Variants in RAB11FIP4 observed in about 807,000 individuals in gnomAD.
RAB11FIP4 encodes the protein rab11 family-interacting protein 4.
A neutral mutation model predicts 74.3 loss-of-function variants in RAB11FIP4; 23 were observed. The ratio of observed to expected loss-of-function variants is 0.31; its 90% CI spans 0.22 to 0.44. The LOEUF is 0.44. Ranked by LOEUF, RAB11FIP4 falls within the 20% of genes least tolerant of loss-of-function variation. The pLI is 1.00. For synonymous variants in RAB11FIP4, 360 were observed against 359.9 expected (o/e 1.00, Z 0.00); for missense variants, 630 against 863.9 (o/e 0.73, Z 3.39).
intron 4 of RAB11FIP4, chr17:31,518,397 C>CCATGAGAT: frequency 6.7e-6 from 1 of 149,514 alleles, no homozygotes; most frequent in Non-Finnish European, 1.5e-5. Context: ...ACAAAGATGT[C>CCATGAGAT]CATGAGATCA....
At chr17:31,530,507 G>A (rs200946414) in intron 14 of RAB11FIP4, 38 bp downstream of exon 14, 32 of 1,597,982 alleles carry the variant, frequency 2.0e-5, no homozygotes, top group African/African-American at 1.3e-4. Context: ...GGGCCTGGCC[G>A]CCCTCTGTGA....
In RAB11FIP4 at chr17:31,531,893, C is replaced by G; in HGVS notation, c.*161C>G. 1 of 623,216 alleles carries G rather than the reference C, an allele frequency of 1.6e-6. No individual in the cohort carries two copies. The highest frequency in any genetic ancestry group is 1.9e-5 in the South Asian group (1 of 53,278). 38.6% of individuals were successfully genotyped at this position (623,216 alleles called of 1,614,324 possible). A position where few individuals can be genotyped will look rare whatever the true frequency, so the allele number is the denominator to read the frequency against. The stretch of plus-strand genomic sequence containing the variant: ...TGTATATGTGGGGAGGCTGTGCACA[C>G]GAGCGAGGGGTGAGTGGCCGTGGCT... On this transcript the variant is annotated 3_prime_UTR_variant, in exon 15 of 15. Transcript: ENST00000621161.
intron 3 of RAB11FIP4, among the ~76,000 whole-genome samples, chr17:31,501,560 G>C (rs1034921318): frequency 1.3e-5 from 2 of 152,056 alleles, no homozygotes; most frequent in East Asian, 1.9e-4. Flanking sequence ...ATGGAGTCTG[G>C]CTCTGTTGCC....
rs1044607026 is a variant in RAB11FIP4 at position 31,524,232 on chromosome 17, C to G, written c.1133+236C>G. 1.0e-5 allele frequency: 5 copies of G among 500,848 alleles called. No homozygotes were observed. In the East Asian group the frequency reaches 1.4e-4, roughly 14 times the overall value. 31.0% of individuals were successfully genotyped at this position (500,848 alleles called of 1,614,324 possible). On this transcript the variant is annotated intron_variant, in intron 9 of 14. Coordinates refer to ENST00000621161, the MANE Select transcript of RAB11FIP4 (RefSeq NM_032932.6). ...GCTCTAGGCCCAATGGATTCTACCC[C>G]CTGAGGTCTGAAGCCACAGGGCTGG...
intron 1 of RAB11FIP4, among the ~76,000 whole-genome samples, chr17:31,394,269 C>T (rs1460983980): frequency 6.6e-6 from 1 of 152,154 alleles, no homozygotes; most frequent in Non-Finnish European, 1.5e-5. Context: ...CAATTTTCTC[C>T]AGAAAATGAG....
chr17:31,484,333 A>C (rs1404411973), intron 3 of RAB11FIP4, among the ~76,000 whole-genome samples: 1 of 151,600 alleles, frequency 6.6e-6, no homozygotes, highest in Non-Finnish European at 1.5e-5. Context: ...GGCCTCCCAA[A>C]GTGCTGGGAT....
intron 3 of RAB11FIP4, among the ~76,000 whole-genome samples, chr17:31,509,705 C>A (rs2072417406): frequency 6.6e-6 from 1 of 152,196 alleles, no homozygotes; most frequent in Non-Finnish European, 1.5e-5. Context: ...GAGCTTTGAT[C>A]TCACAGTATG....
At chr17:31,495,116 G>A (rs1444686733) in intron 3 of RAB11FIP4, among the ~76,000 whole-genome samples, 1 of 152,220 alleles carries the variant, frequency 6.6e-6, no homozygotes, top group Admixed American at 6.5e-5. Flanking sequence ...GCCACTGCCA[G>A]CCCCCAGCAT....
intron 1 of RAB11FIP4, among the ~76,000 whole-genome samples, chr17:31,406,271 C>A (rs537968103): frequency 6.6e-5 from 10 of 152,366 alleles, no homozygotes; most frequent in African/African-American, 2.2e-4. Context: ...GGGCTCTGCT[C>A]CCAGCGCAGG....
chr17:31,530,703 AGT>A (rs778672899), intron 14 of RAB11FIP4, among the ~76,000 whole-genome samples: 8 of 152,076 alleles, frequency 5.3e-5, no homozygotes, highest in Non-Finnish European at 7.4e-5. Context: ...TTCAGAGTGG[AGT>A]GTGAGTCTTA....
chr17:31,433,900 C>A, intron 2 of RAB11FIP4, 134 bp from the exon 3 acceptor site: 1 of 789,316 alleles, frequency 1.3e-6, no homozygotes, highest in Non-Finnish European at 2.1e-6. Context: ...CCTTCCAGTG[C>A]TCAGCTGGCC....
At chr17:31,415,728 GGAT>G (rs1261448462) in intron 1 of RAB11FIP4, among the ~76,000 whole-genome samples, 1 of 152,156 alleles carries the variant, frequency 6.6e-6, no homozygotes, top group African/African-American at 2.4e-5. Flanking sequence ...AGCTGGGACT[GGAT>G]GGAGGGCCCA....
chr17:31,459,548 G>A lies in RAB11FIP4; in HGVS notation c.336+25426G>A, dbSNP rs190783096. On this transcript the variant is annotated intron_variant, in intron 3 of 14. Transcript: ENST00000621161. ...TAAAGCATTTGTTGAATAAATGAGC[G>A]CATGTCACTTTGACCAAAACCTTTC... is the stretch of plus-strand genomic sequence containing the variant. Among the ~76,000 whole-genome samples the A allele has an allele frequency of 5.0e-3, 756 of 152,082 alleles. 7 individuals are homozygous for A. The highest frequency in any genetic ancestry group is 0.017 in the African/African-American group (709 of 41,454).
chr17:31,408,819 TAACA>T (rs1379237176), intron 1 of RAB11FIP4, among the ~76,000 whole-genome samples: 1 of 152,134 alleles, frequency 6.6e-6, no homozygotes, highest in Admixed American at 6.5e-5. Flanking sequence ...GCAGTGGTCT[TAACA>T]GACAGGGTCC....
intron 3 of RAB11FIP4, among the ~76,000 whole-genome samples, chr17:31,475,677 G>A (rs1041146194): frequency 1.3e-5 from 2 of 152,108 alleles, no homozygotes; most frequent in African/African-American, 4.8e-5. Context: ...GTTGCCCAAC[G>A]TGCATGTTCC....
In RAB11FIP4 at chr17:31,403,919, C is replaced by T. The variant is rs746686053; in HGVS notation, c.159+11908C>T. Among the ~76,000 whole-genome samples, 181 of 152,210 alleles carry T rather than the reference C, an allele frequency of 1.2e-3. No homozygotes were observed. In the Middle Eastern group the frequency reaches 0.02, roughly 17 times the overall value. ...CTGGGGTGGTCTCGGTTGGGAAATG[C>T]GCAGATCAGAAGTAGGTCTGGGCTC... On this transcript the variant is annotated intron_variant, in intron 1 of 14. Transcript: ENST00000621161.
In RAB11FIP4 at chr17:31,443,245, T is replaced by C. The variant is rs146750032; in HGVS notation, c.336+9123T>C. Among the ~76,000 whole-genome samples, 551 of 152,336 alleles carry C rather than the reference T, an allele frequency of 3.6e-3. 3 individuals are homozygous for C. The highest frequency in any genetic ancestry group is 0.013 in the African/African-American group (521 of 41,590). On this transcript the variant is annotated intron_variant, in intron 3 of 14. Transcript: ENST00000621161. ...TCCACCCTGGCTATGTTTACTTCTA[T>C]TGAGTATTTTTTAAGAACCAGAAAT...
chr17:31,421,534 A>C (rs1184517512), intron 1 of RAB11FIP4, among the ~76,000 whole-genome samples: 1 of 131,746 alleles, frequency 7.6e-6, no homozygotes, highest in Non-Finnish European at 1.6e-5. Context: ...TTTTTAGTTT[A>C]ATTATATTAT....
intron 3 of RAB11FIP4, among the ~76,000 whole-genome samples, chr17:31,516,888 T>C (rs919489510): frequency 2.6e-5 from 4 of 152,178 alleles, no homozygotes; most frequent in Non-Finnish European, 5.9e-5. Context: ...CATTGGTTAC[T>C]TGGTGTACAC....
Sources: gnomAD v4.1 joint callset for allele counts (sites outside exome capture counted in the v4.1 genomes callset) on GRCh38, gnomAD v4.1.1 for gene constraint, MANE v1.5 for transcripts, NCBI Gene and HGNC (gene_info 2026-07-23, HGNC 2026-07-21) for gene names.